The following SRSF11 variants were observed in gnomAD, a reference collection of about 807,000 sequenced individuals.
SRSF11 encodes serine/arginine-rich splicing factor 11.
Under a neutral mutation model 56.0 loss-of-function variants are expected in SRSF11, and 9 were observed. The observed-to-expected ratio is 0.16, with a 90% CI of 0.10 to 0.28. SRSF11 has a LOEUF of 0.28. Among genes scored for constraint, SRSF11 ranks in the 10% least tolerant of loss-of-function variants. The pLI is 1.00. For synonymous variants in SRSF11, 222 were observed against 215.3 expected (o/e 1.03, Z -0.27); for missense variants, 421 against 600.7 (o/e 0.70, Z 3.13).
At position 70,251,944 on chromosome 1, in the gene SRSF11, T is replaced by A. The variant is rs1044401430; in HGVS notation, c.*1139T>A. 6.6e-6 allele frequency: 1 copy of A among 152,654 alleles called. No individual in the cohort carries two copies. The highest frequency in any genetic ancestry group is 1.5e-5 in the Non-Finnish European group (1 of 68,026). 9.5% of individuals were successfully genotyped at this position (152,654 alleles called of 1,614,324 possible). ...AAGTAGGCTACAGTCTGTGCCATGT[T>A]GATGTACAGTTTCTGAAATTGTTTT... On this transcript the variant is annotated 3_prime_UTR_variant, in exon 12 of 12. Coordinates refer to ENST00000370949, the MANE Select transcript of SRSF11 (RefSeq NM_001350605.2).
chr1:70,228,542 A>G lies in SRSF11; in HGVS notation c.324A>G (p.Val108=), dbSNP rs1350821061. The G allele has an allele frequency of 6.2e-7, 1 of 1,613,030 alleles. No individual in the cohort carries two copies. The highest frequency in any genetic ancestry group is 8.5e-7 in the Non-Finnish European group (1 of 1,179,544). The change falls in exon 2 of 12, where the codon GTA becomes GTG. Residue 108 remains valine (V), a synonymous_variant. Transcript: ENST00000370949. ...TVFVDRALIV[V]PYAEGVIPDE... is the part of the protein sequence containing the mutation. ...TCGTTGACAGAGCTTTGATAGTCGT[A>G]CCATATGCAGAAGGTTTGTGCTTTG...
chr1:70,214,870 A>G (rs978706785), intron 1 of SRSF11, among the ~76,000 whole-genome samples: 4 of 151,744 alleles, frequency 2.6e-5, no homozygotes, highest in African/African-American at 9.7e-5. Flanking sequence ...ATAGAACTAG[A>G]AATCAAAATA....
At chr1:70,225,496 A>T (rs542106906) in intron 1 of SRSF11, among the ~76,000 whole-genome samples, 7 of 152,224 alleles carry the variant, frequency 4.6e-5, no homozygotes, top group African/African-American at 1.4e-4. Flanking sequence ...GAAATTCTCC[A>T]CTTAGCACAC....
At chr1:70,234,316 G>C (rs1031247371) in intron 3 of SRSF11, among the ~76,000 whole-genome samples, 2 of 152,186 alleles carry the variant, frequency 1.3e-5, no homozygotes, top group East Asian at 3.8e-4. Context: ...AAGAATAGTA[G>C]ATTTGGATCC....
chr1:70,244,665 C>T lies in SRSF11; in HGVS notation c.801-19C>T. 1 of 1,608,234 alleles carries T rather than the reference C, an allele frequency of 6.2e-7. No homozygotes were observed. The highest frequency in any genetic ancestry group is 1.3e-5 in the African/African-American group (1 of 74,804). ...TTTTACATTTATACACATGTATTGG[C>T]TTCCTTTTACACTATTAGGCGGTCA... On this transcript the variant is annotated intron_variant, in intron 7 of 11. Coordinates refer to ENST00000370949, the MANE Select transcript of SRSF11 (RefSeq NM_001350605.2).
chr1:70,242,165 TAAAAA>T (rs369129508), intron 7 of SRSF11, among the ~76,000 whole-genome samples: 5 of 135,962 alleles, frequency 3.7e-5, no homozygotes, highest in Admixed American at 1.5e-4. Context: ...GACTCCGTCT[TAAAAA>T]AAAAAAAAAA....
intron 3 of SRSF11, among the ~76,000 whole-genome samples, chr1:70,233,348 G>A (rs138334465): frequency 3.8e-4 from 58 of 152,064 alleles, no homozygotes; most frequent in Non-Finnish European, 7.4e-4. Flanking sequence ...TGGTTCAAGC[G>A]ATTCTGCCCC....
intron 9 of SRSF11, chr1:70,249,348 G>GC (rs1441293145): frequency 6.6e-6 from 1 of 152,248 alleles, no homozygotes; most frequent in African/African-American, 2.4e-5. Flanking sequence ...TTCAGTAATA[G>GC]TTTACTTCAC....
intron 7 of SRSF11, among the ~76,000 whole-genome samples, chr1:70,242,711 C>T (rs1337499488): frequency 2.0e-5 from 3 of 152,148 alleles, no homozygotes; most frequent in African/African-American, 7.2e-5. Context: ...TGGTTAAAAG[C>T]TCATATGAAC....
At chr1:70,225,804 A>G (rs1467388816) in intron 1 of SRSF11, among the ~76,000 whole-genome samples, 1 of 152,168 alleles carries the variant, frequency 6.6e-6, no homozygotes, top group Non-Finnish European at 1.5e-5. Flanking sequence ...TCCCTACTTT[A>G]TATTAATTCT....
chr1:70,237,031 C>T (rs1674262090), intron 5 of SRSF11, among the ~76,000 whole-genome samples: 1 of 151,936 alleles, frequency 6.6e-6, no homozygotes, highest in South Asian at 2.1e-4. Flanking sequence ...TCGTGATCCA[C>T]CTGCCTTGGC....
chr1:70,245,971 G>T (rs1167817317), intron 8 of SRSF11, among the ~76,000 whole-genome samples: 1 of 152,084 alleles, frequency 6.6e-6, no homozygotes, highest in Non-Finnish European at 1.5e-5. Flanking sequence ...AGATGATAAA[G>T]ATTCAAATGA....
chr1:70,205,865 T>C, intron 1 of SRSF11: 1 of 206,942 alleles, frequency 4.8e-6, no homozygotes, highest in Non-Finnish European at 9.6e-6. Context: ...CCTCTGTGCT[T>C]CCACCGTGGC....
intron 2 of SRSF11, chr1:70,230,693 G>T: frequency 8.2e-7 from 1 of 1,223,374 alleles, no homozygotes. Context: ...AGGATCAGAT[G>T]CATGACTTTT....
chr1:70,246,870 A>C lies in SRSF11; in HGVS notation c.985A>C (p.Ser329Arg), dbSNP rs1477480362. 2 of 1,611,052 alleles carry C rather than the reference A, an allele frequency of 1.2e-6. No individual in the cohort carries two copies. The highest frequency in any genetic ancestry group is 1.7e-6 in the Non-Finnish European group (2 of 1,178,728). Reference sequence around the variant, plus strand: ...GAAACGTTCTAAAACACCACCAAAAAGTTACAGCACAGCCAGACGTTCTAG... The same window carrying C: ...GAAACGTTCTAAAACACCACCAAAACGTTACAGCACAGCCAGACGTTCTAG... The part of the protein sequence containing the change: ...EKKRSKTPPK[S>R]YSTARRSRSA... Residue 329 changes from serine to arginine, a missense_variant, in exon 9 of 12, where the codon AGT becomes CGT. Ser to Arg is a moderately radical substitution (Grantham distance 110, BLOSUM62 -1). Around this residue, in one of 2 missense-constraint regions of SRSF11, gnomAD observed 253 missense variants for 305.8 expected, o/e 0.83. Coordinates refer to ENST00000370949, the MANE Select transcript of SRSF11 (RefSeq NM_001350605.2).
intron 1 of SRSF11, among the ~76,000 whole-genome samples, chr1:70,225,973 C>G (rs1203563546): frequency 6.6e-6 from 1 of 151,862 alleles, no homozygotes; most frequent in Non-Finnish European, 1.5e-5. Flanking sequence ...GGTGGATCAC[C>G]TGAGGTCAGG....
chr1:70,250,977 A>G lies in SRSF11; in HGVS notation c.*172A>G. 1.7e-6 allele frequency: 1 copy of G among 599,560 alleles called. No individual in the cohort carries two copies. The highest frequency in any genetic ancestry group is 2.9e-6 in the Non-Finnish European group (1 of 348,418). The allele number at this position is 599,560 out of a possible 1,614,324, so 37.1% of individuals were successfully genotyped here. ...GTTATTTACATCAAAAAGCTTTTAG[A>G]AAATGGTACGAGGTAACCAATTCTT... is the stretch of plus-strand genomic sequence containing the variant. On this transcript the variant is annotated 3_prime_UTR_variant, in exon 12 of 12. Transcript: ENST00000370949.
chr1:70,228,764 G>T (rs11558480), intron 2 of SRSF11: 3 of 1,219,628 alleles, frequency 2.5e-6, no homozygotes, highest in Non-Finnish European at 3.1e-6. Context: ...TTTACCTTTT[G>T]TTTTCTTTTA....
In SRSF11 at chr1:70,232,280, A is replaced by G. The variant is rs1391932842; in HGVS notation, c.350A>G (p.Asp117Gly). 6.2e-7 allele frequency: 1 copy of G among 1,614,188 alleles called. No homozygotes were observed. Among genetic ancestry groups the G allele is most frequent in the Non-Finnish European group, 8.5e-7 (1 of 1,180,032 alleles). Residue 117 changes from aspartate to glycine, a missense_variant, in exon 3 of 12, where the codon GAT becomes GGT. Asp to Gly is a moderately conservative substitution (Grantham distance 94). This residue lies in a region of SRSF11 where 168 missense variants were observed against 294.9 expected (regional missense o/e 0.57). Transcript: ENST00000370949. ...VVPYAEGVIP[D>G]EAKALSLLAP... The stretch of plus-strand genomic sequence containing the variant: ...TGTTTCTCTGCAGGAGTTATTCCTG[A>G]TGAAGCTAAAGCTTTGTCTCTGTTG...
Sources: gnomAD v4.1 joint callset for allele counts (sites outside exome capture counted in the v4.1 genomes callset) on GRCh38, gnomAD v4.1.1 for gene constraint, gnomAD v4.1.1 regional missense constraint, MANE v1.5 for transcripts, NCBI Gene and HGNC (gene_info 2026-07-23, HGNC 2026-07-21) for gene names.